CTCF: variants seen among roughly 807,000 people sequenced by gnomAD.
CTCF encodes the protein transcriptional repressor CTCF.
A neutral mutation model predicts 72.3 loss-of-function variants in CTCF; 7 were observed. That is an observed-to-expected ratio of 0.10 (90% CI 0.06 to 0.18). The LOEUF (loss-of-function observed/expected upper bound fraction) is 0.18. Among genes scored for constraint, CTCF ranks in the 10% least tolerant of loss-of-function variants. The probability of loss-of-function intolerance (pLI) is 1.00; values close to 1 mark genes in which losing one functional copy is unlikely to be tolerated. For synonymous variants in CTCF, 374 were observed against 315.8 expected, an observed-to-expected ratio of 1.18 and a Z score of -1.95; for missense variants, 516 against 949.1, an observed-to-expected ratio of 0.54 and a Z score of 6.00.
At chr16:67,614,049 G>T (rs1392392106) in intron 4 of CTCF, among the ~76,000 whole-genome samples, 1 of 152,030 alleles carries the variant, frequency 6.6e-6, no homozygotes, top group Non-Finnish European at 1.5e-5. Context: ...CTTTGCCTCT[G>T]TTACGATGCT....
At chr16:67,637,184 G>A (rs970197323) in intron 11 of CTCF, among the ~76,000 whole-genome samples, 4 of 152,196 alleles carry the variant, frequency 2.6e-5, no homozygotes, top group Admixed American at 2.6e-4. Flanking sequence ...ATATAAAAGA[G>A]CCAAATCGTA....
Position 67,597,269 on chromosome 16 carries a change from C to T in CTCF, c.-9-13555C>T, listed in dbSNP as rs1248085332. On this transcript the variant is annotated intron_variant, in intron 2 of 11. Coordinates refer to ENST00000264010, the MANE Select transcript of CTCF (RefSeq NM_006565.4). Reference sequence around the variant, plus strand: ...CAAGCCAATCTCGAACTCCTGGGCTCAAGCGATCTGCTGGCCTTGGCCTCT... The same window carrying T: ...CAAGCCAATCTCGAACTCCTGGGCTTAAGCGATCTGCTGGCCTTGGCCTCT... Among the ~76,000 whole-genome samples, 23 of 152,022 alleles carry T rather than the reference C, an allele frequency of 1.5e-4. 1 individual carries two copies. The highest frequency in any genetic ancestry group is 1.5e-3 in the Admixed American group (23 of 15,250).
At chr16:67,604,462 C>T (rs1185226535) in intron 2 of CTCF, among the ~76,000 whole-genome samples, 1 of 152,146 alleles carries the variant, frequency 6.6e-6, no homozygotes, top group Non-Finnish European at 1.5e-5. Flanking sequence ...CCTGCCTCAG[C>T]CTCCCAAGTA....
intron 2 of CTCF, among the ~76,000 whole-genome samples, chr16:67,587,565 A>G (rs1156773971): frequency 6.7e-6 from 1 of 149,076 alleles, no homozygotes; most frequent in Non-Finnish European, 1.5e-5. Flanking sequence ...TTTCATGCCT[A>G]CAGATTGTCC....
chr16:67,562,981 G>A (rs1417976815), intron 1 of CTCF, among the ~76,000 whole-genome samples: 2 of 146,056 alleles, frequency 1.4e-5, no homozygotes, highest in African/African-American at 2.5e-5. Context: ...GGCCTCGGGC[G>A]GCGGCAGAGG....
intron 1 of CTCF, among the ~76,000 whole-genome samples, chr16:67,565,738 T>C (rs2051334666): frequency 6.6e-6 from 1 of 151,628 alleles, no homozygotes; most frequent in Non-Finnish European, 1.5e-5. Context: ...ATTCAACCTA[T>C]GTAAGAATTT....
At chr16:67,568,714 G>T (rs1300514744) in intron 1 of CTCF, among the ~76,000 whole-genome samples, 1 of 151,792 alleles carries the variant, frequency 6.6e-6, no homozygotes, top group Non-Finnish European at 1.5e-5. Context: ...GTATTTTGTA[G>T]AGACGGGGTT....
chr16:67,598,203 C>T (rs1567602613), intron 2 of CTCF, among the ~76,000 whole-genome samples: 1 of 152,084 alleles, frequency 6.6e-6, no homozygotes, highest in Non-Finnish European at 1.5e-5. Context: ...GTCTCAGACT[C>T]CTGTGCTCAA....
intron 7 of CTCF, among the ~76,000 whole-genome samples, chr16:67,622,125 C>T (rs2052208059): frequency 6.6e-6 from 1 of 151,928 alleles, no homozygotes; most frequent in African/African-American, 2.4e-5. Context: ...GGGAGGCCAA[C>T]GCGGGTGGAT....
In CTCF at chr16:67,622,392, A is replaced by G. The variant is rs990278266; in HGVS notation, c.1357+801A>G. Among the ~76,000 whole-genome samples the G allele has an allele frequency of 2.0e-5, 3 of 151,932 alleles. No homozygotes were observed. In the South Asian group the frequency reaches 6.2e-4, roughly 32 times the overall value. ...AGGTAACGAGTAAAAAGTGAGAGCC[A>G]TCCTCTCCCTTACCTCATATCTACT... On this transcript the variant is annotated intron_variant, in intron 7 of 11. Transcript: ENST00000264010.
rs567765137 is a variant in CTCF at position 67,633,992 on chromosome 16, A to G, written c.1838-2698A>G. On this transcript the variant is annotated intron_variant, in intron 10 of 11. Coordinates refer to ENST00000264010, the MANE Select transcript of CTCF (RefSeq NM_006565.4). The stretch of plus-strand genomic sequence containing the variant: ...AAAAAGGGTCTAAAGCTAAAAGGAA[A>G]AAGTAATAGCCAATCCCACATAAAA... 8.5e-5 allele frequency among the ~76,000 whole-genome samples: 13 copies of G among 152,300 alleles called. No homozygotes were observed. The East Asian group carries it at 2.5e-3, about 29-fold the overall frequency.
At chr16:67,629,072 C>A (rs990857363) in intron 9 of CTCF, among the ~76,000 whole-genome samples, 5 of 151,806 alleles carry the variant, frequency 3.3e-5, no homozygotes, top group Non-Finnish European at 7.4e-5. Flanking sequence ...AAAAAATTTC[C>A]TTAGGTGGAT....
intron 2 of CTCF, among the ~76,000 whole-genome samples, chr16:67,584,867 A>G (rs1432839306): frequency 1.3e-5 from 2 of 152,098 alleles, no homozygotes; most frequent in African/African-American, 4.8e-5. Context: ...CTGGCTCTGA[A>G]TAGTCTTTGG....
intron 10 of CTCF, 142 bp downstream of exon 10, chr16:67,629,675 T>C: frequency 1.5e-6 from 1 of 673,896 alleles, no homozygotes; most frequent in Non-Finnish European, 2.2e-6. Context: ...TAACGTCTAT[T>C]TACAACAGCA....
At chr16:67,585,645 A>G (rs930146859) in intron 2 of CTCF, among the ~76,000 whole-genome samples, 2 of 152,098 alleles carry the variant, frequency 1.3e-5, no homozygotes, top group Non-Finnish European at 2.9e-5. Context: ...TTTTCCAACC[A>G]CTACTTTTTG....
chr16:67,607,585 C>T (rs1030156188), intron 2 of CTCF, among the ~76,000 whole-genome samples: 9 of 151,828 alleles, frequency 5.9e-5, no homozygotes, highest in Non-Finnish European at 8.8e-5. Flanking sequence ...GGATTACAGG[C>T]GTGAGCTACC....
In CTCF at chr16:67,637,909, C is replaced by A. The variant is rs374939386; in HGVS notation, c.*37C>A. 2 of 1,525,550 alleles carry A rather than the reference C, an allele frequency of 1.3e-6. No individual in the cohort carries two copies. 94.5% of individuals were successfully genotyped at this position (1,525,550 alleles called of 1,614,324 possible). On this transcript the variant is annotated 3_prime_UTR_variant, in exon 12 of 12. Transcript: ENST00000264010. ...TGTGCGTCGCCAGGACTTCTCTGGGCTGTGTTTAAACGGCCCGCATCTTAA... is the reference window on the plus strand; with the variant it reads ...TGTGCGTCGCCAGGACTTCTCTGGGATGTGTTTAAACGGCCCGCATCTTAA...
intron 7 of CTCF, among the ~76,000 whole-genome samples, chr16:67,624,145 GTATATATGTGTGTATA>G (rs1344321318): frequency 1.4e-5 from 2 of 145,864 alleles, no homozygotes; most frequent in African/African-American, 2.6e-5. Flanking sequence ...GTGTGTGTGT[GTATATATGTGTGTATA>G]TATATATGTA....
chr16:67,617,300 C>G (rs1448393072), intron 5 of CTCF, among the ~76,000 whole-genome samples: 1 of 151,896 alleles, frequency 6.6e-6, no homozygotes, highest in East Asian at 1.9e-4. Context: ...GAGATTGAGA[C>G]CATCCTGGCT....
Sources: allele counts gnomAD v4.1 joint callset (sites outside exome capture counted in the v4.1 genomes callset), GRCh38; gene constraint gnomAD v4.1.1; transcripts MANE v1.5; gene names NCBI Gene and HGNC (gene_info 2026-07-23, HGNC 2026-07-21).